The following DYNC1I1 variants were observed in gnomAD, a reference collection of about 807,000 sequenced individuals.
DYNC1I1 encodes dynein cytoplasmic 1 intermediate chain 1, also known as cytoplasmic dynein 1 intermediate chain 1.
DYNC1I1 carries 43 observed loss-of-function variants against 86.6 expected under a neutral mutation model. The observed-to-expected ratio is 0.50, with a 90% CI of 0.39 to 0.64. The LOEUF is 0.64. Ranked by LOEUF, DYNC1I1 falls within the 30% of genes least tolerant of loss-of-function variation. The pLI is 0.00. For missense variants in DYNC1I1, 604 were observed against 788.8 expected, an observed-to-expected ratio of 0.77 and a Z score of 2.81; for synonymous variants, 262 against 283.7, an observed-to-expected ratio of 0.92 and a Z score of 0.77.
intron 6 of DYNC1I1, among the ~76,000 whole-genome samples, chr7:95,939,881 T>G (rs1357411146): frequency 6.6e-6 from 1 of 152,232 alleles, no homozygotes; most frequent in Non-Finnish European, 1.5e-5. Context: ...TGATGGAGTT[T>G]CTTCCTAGCC....
At chr7:96,100,348 TTCCTTCCTTTCC>T (rs1304910289), downstream of DYNC1I1, among the ~76,000 whole-genome samples, 1 of 150,116 alleles carries the variant, frequency 6.7e-6, no homozygotes, top group Non-Finnish European at 1.5e-5. Flanking sequence ...TCTCCCTTCC[TTCCTTCCTTTCC>T]TTCCTTCCTT....
chr7:95,851,734 G>A (rs1243553033), intron 5 of DYNC1I1, among the ~76,000 whole-genome samples: 3 of 152,034 alleles, frequency 2.0e-5, no homozygotes, highest in East Asian at 1.9e-4. Flanking sequence ...TCATGATCTC[G>A]GCTCACTGCA....
chr7:95,839,138 C>A, intron 5 of DYNC1I1, among the ~76,000 whole-genome samples: 1 of 152,136 alleles, frequency 6.6e-6, no homozygotes, highest in East Asian at 1.9e-4. Flanking sequence ...TCAAGCAATT[C>A]TCCTGCCTCA....
chr7:96,064,330 T>C (rs1247101576), intron 14 of DYNC1I1, among the ~76,000 whole-genome samples: 1 of 152,068 alleles, frequency 6.6e-6, no homozygotes, highest in Non-Finnish European at 1.5e-5. Context: ...AGTTTATTTG[T>C]TTTTAATGAG....
intron 14 of DYNC1I1, among the ~76,000 whole-genome samples, chr7:96,053,109 A>G (rs1789455918): frequency 6.6e-6 from 1 of 152,230 alleles, no homozygotes; most frequent in Non-Finnish European, 1.5e-5. Context: ...ATAAAATGAT[A>G]GCGACTTCAT....
chr7:96,024,637 C>T (rs1344600383), intron 10 of DYNC1I1, among the ~76,000 whole-genome samples: 1 of 151,922 alleles, frequency 6.6e-6, no homozygotes, highest in African/African-American at 2.4e-5. Flanking sequence ...TATAAAATTT[C>T]AACTGCATAG....
downstream of DYNC1I1, among the ~76,000 whole-genome samples, chr7:96,099,184 A>G (rs1462945748): frequency 6.6e-6 from 1 of 152,204 alleles, no homozygotes; most frequent in Non-Finnish European, 1.5e-5. Context: ...GACCAAATTG[A>G]ATGATTCGGT....
intron 6 of DYNC1I1, among the ~76,000 whole-genome samples, chr7:95,937,894 G>A (rs1275975539): frequency 6.6e-6 from 1 of 151,908 alleles, no homozygotes; most frequent in Non-Finnish European, 1.5e-5. Context: ...CTTGATGTTT[G>A]CCATGTATGT....
chr7:95,892,477 A>AT (rs1180740989), intron 6 of DYNC1I1, among the ~76,000 whole-genome samples: 2 of 152,134 alleles, frequency 1.3e-5, no homozygotes, highest in East Asian at 1.9e-4. Context: ...CGCCCAGCTA[A>AT]TTTTTTTGTA....
chr7:96,039,316 G>T lies in DYNC1I1; in HGVS notation c.1404G>T (p.Gly468=). ...GIGEVFEGHQ[G]PVTGINCHMA... is the part of the protein sequence containing the mutation. The stretch of plus-strand genomic sequence containing the variant: ...GTGAGGTCTTTGAAGGTCACCAAGG[G>T]CCAGTGACAGGAATTAACTGCCACA... The change falls in exon 14 of 17, where the codon GGG becomes GGT. Residue 468 remains glycine (G), a synonymous_variant. Transcript: ENST00000447467. The T allele has an allele frequency of 1.2e-6, 2 of 1,614,058 alleles. No homozygotes were observed. The highest frequency in any genetic ancestry group is 1.7e-6 in the Non-Finnish European group (2 of 1,179,956).
chr7:95,916,410 T>C (rs1289192411), intron 6 of DYNC1I1, among the ~76,000 whole-genome samples: 1 of 152,216 alleles, frequency 6.6e-6, no homozygotes, highest in Non-Finnish European at 1.5e-5. Flanking sequence ...GAAATATCAC[T>C]CCATGTTTAT....
chr7:96,098,125 T>G lies in DYNC1I1; in HGVS notation c.*532T>G. 1.0e-6 allele frequency: 1 copy of G among 986,262 alleles called. No individual in the cohort carries two copies. Among genetic ancestry groups the G allele is most frequent in the Non-Finnish European group, 1.2e-6 (1 of 830,228 alleles). 61.1% of individuals were successfully genotyped at this position (986,262 alleles called of 1,614,324 possible). The stretch of plus-strand genomic sequence containing the variant: ...ATGGAACGTATTTATTTGAAAGCAT[T>G]AAAATAAATGATCCTAGAGCATGTG... On this transcript the variant is annotated 3_prime_UTR_variant, in exon 17 of 17. Coordinates refer to ENST00000447467, the MANE Select transcript of DYNC1I1 (RefSeq NM_001135556.2).
chr7:95,862,134 G>A lies in DYNC1I1; in HGVS notation c.375-7749G>A, dbSNP rs1240807842. On this transcript the variant is annotated intron_variant, in intron 5 of 16. Coordinates refer to ENST00000447467, the MANE Select transcript of DYNC1I1 (RefSeq NM_001135556.2). ...TAGGTTTAAGTCTTTGTGTCCTTGG[G>A]TTAGGCAATGATTTTTTTAGATATG... 2.0e-5 allele frequency among the ~76,000 whole-genome samples: 3 copies of A among 152,132 alleles called. No homozygotes were observed. In the East Asian group the frequency reaches 5.8e-4, roughly 29 times the overall value.
intron 1 of DYNC1I1, among the ~76,000 whole-genome samples, chr7:95,788,556 AG>A (rs1794208436): frequency 6.6e-6 from 1 of 152,210 alleles, no homozygotes; most frequent in African/African-American, 2.4e-5. Flanking sequence ...CCAGACACAC[AG>A]GAAGGGTGAT....
chr7:96,092,968 G>A (rs448), intron 16 of DYNC1I1, among the ~76,000 whole-genome samples: 63,109 of 151,872 alleles, frequency 0.42, 14,189 homozygotes, highest in Non-Finnish European at 0.51. Context: ...AACAGGTGAA[G>A]GTTATGTGGT....
intron 12 of DYNC1I1, among the ~76,000 whole-genome samples, chr7:96,034,715 C>T (rs11980418): frequency 0.021 from 3,147 of 152,290 alleles, 104 homozygotes; most frequent in African/African-American, 0.071. Context: ...GAACACATCA[C>T]AGGATCAGAA....
downstream of DYNC1I1, among the ~76,000 whole-genome samples, chr7:96,102,181 A>G (rs1791146543): frequency 6.6e-6 from 1 of 152,146 alleles, no homozygotes; most frequent in Non-Finnish European, 1.5e-5. Flanking sequence ...TACACTCATG[A>G]GAAATAATTA....
At chr7:95,908,664 G>A (rs1223008646) in intron 6 of DYNC1I1, among the ~76,000 whole-genome samples, 2 of 152,208 alleles carry the variant, frequency 1.3e-5, no homozygotes, top group African/African-American at 4.8e-5. Context: ...AAATGCAGGA[G>A]AGCCTCCTTG....
intron 15 of DYNC1I1, 140 bp from the exon 16 acceptor site, chr7:96,080,222 TC>T (rs572032676): frequency 8.3e-5 from 89 of 1,076,300 alleles, no homozygotes; most frequent in South Asian, 2.2e-4. Flanking sequence ...GAGCCCTTTT[TC>T]CCCCCGGCAC....
Sources: allele counts gnomAD v4.1 joint callset (sites outside exome capture counted in the v4.1 genomes callset), GRCh38; gene constraint gnomAD v4.1.1; transcripts MANE v1.5; gene names NCBI Gene and HGNC (gene_info 2026-07-23, HGNC 2026-07-21).